The following BANF2 variants were observed in gnomAD, a reference collection of about 807,000 sequenced individuals.
The protein encoded by BANF2 is BANF family member 2, also known as barrier-to-autointegration factor-like protein.
BANF2 carries 4 observed loss-of-function variants against 8.0 expected under a neutral mutation model. The ratio of observed to expected loss-of-function variants is 0.50; its 90% CI spans 0.25 to 1.14. The LOEUF (loss-of-function observed/expected upper bound fraction) is 1.14. Ranked by LOEUF, BANF2 falls within the 50% of genes most tolerant of loss-of-function variation. The pLI is 0.16. For synonymous variants in BANF2, 50 were observed against 40.6 expected, an observed-to-expected ratio of 1.23 and a Z score of -0.88; for missense variants, 96 against 107.5, an observed-to-expected ratio of 0.89 and a Z score of 0.47.
chr20:17,724,867 GC>G (rs1343635866), intron 2 of BANF2, among the ~76,000 whole-genome samples, 155 bp from the exon 3 acceptor site: 1 of 152,204 alleles, frequency 6.6e-6, no homozygotes, highest in Non-Finnish European at 1.5e-5. Context: ...CAGTGCACCT[GC>G]ATTTAGTAGA....
chr20:17,719,134 T>C (rs960261046), intron 1 of BANF2, among the ~76,000 whole-genome samples: 69 of 152,130 alleles, frequency 4.5e-4, no homozygotes, highest in Non-Finnish European at 1.3e-4. Flanking sequence ...TGTTTCGTTT[T>C]GTTTTTTGAG....
chr20:17,703,527 C>T (rs999784830), intron 1 of BANF2, among the ~76,000 whole-genome samples: 2 of 152,126 alleles, frequency 1.3e-5, no homozygotes, highest in Non-Finnish European at 2.9e-5. Context: ...AGCAAAGATT[C>T]GTATTTCTTC....
At chr20:17,710,783 G>T (rs1369213652) in intron 1 of BANF2, among the ~76,000 whole-genome samples, 1 of 152,186 alleles carries the variant, frequency 6.6e-6, no homozygotes, top group African/African-American at 2.4e-5. Flanking sequence ...ATCCAGAGAG[G>T]GTAGAATAAC....
chr20:17,698,386 A>G (rs1218888931), upstream of BANF2, among the ~76,000 whole-genome samples: 1 of 152,180 alleles, frequency 6.6e-6, no homozygotes, highest in African/African-American at 2.4e-5. Context: ...AGCCTGCAGA[A>G]CTGTGAGCCA....
At chr20:17,734,001 G>A (rs2037939868) in intron 3 of BANF2, among the ~76,000 whole-genome samples, 1 of 152,180 alleles carries the variant, frequency 6.6e-6, no homozygotes, top group Admixed American at 6.5e-5. Context: ...GTTCTTGTTG[G>A]TTCCAGGCTG....
chr20:17,727,349 G>T (rs547812698), intron 3 of BANF2, among the ~76,000 whole-genome samples: 5 of 152,306 alleles, frequency 3.3e-5, no homozygotes, highest in Admixed American at 3.3e-4. Flanking sequence ...TGAGATGAGG[G>T]TCACTCTCTC....
At chr20:17,731,752 C>A in intron 3 of BANF2, among the ~76,000 whole-genome samples, 1 of 69,510 alleles carries the variant, frequency 1.4e-5, no homozygotes, top group Non-Finnish European at 2.5e-5. Flanking sequence ...GAGATCCCGT[C>A]TCTTAGGAAA....
chr20:17,712,208 C>T (rs2037583690), intron 1 of BANF2: 1 of 152,328 alleles, frequency 6.6e-6, no homozygotes, highest in Non-Finnish European at 1.5e-5. Context: ...GACATTTGCC[C>T]ATGGTTGTGA....
intron 1 of BANF2, among the ~76,000 whole-genome samples, chr20:17,693,948 G>A (rs1164547687): frequency 1.3e-5 from 2 of 152,248 alleles, no homozygotes; most frequent in East Asian, 3.8e-4. Flanking sequence ...CAGATCTATG[G>A]CCGACGGGCA....
upstream of BANF2, among the ~76,000 whole-genome samples, chr20:17,696,562 A>G (rs2037347603): frequency 6.6e-6 from 1 of 152,170 alleles, no homozygotes; most frequent in Non-Finnish European, 1.5e-5. Flanking sequence ...ATAATGTCGA[A>G]CATTTTTTCC....
intron 3 of BANF2, among the ~76,000 whole-genome samples, chr20:17,725,992 T>C (rs760693361): frequency 6.6e-6 from 1 of 152,122 alleles, no homozygotes; most frequent in Non-Finnish European, 1.5e-5. Context: ...GATTACCCCA[T>C]TGCTCTGCAC....
At chr20:17,701,064 T>C (rs73101850) in intron 1 of BANF2, among the ~76,000 whole-genome samples, 28,102 of 152,110 alleles carry the variant, frequency 0.18, 3,086 homozygotes, top group African/African-American at 0.3. Flanking sequence ...ATTTTACCCT[T>C]AGGCTTTGCC....
At chr20:17,697,558 T>C (rs2037356484), upstream of BANF2, among the ~76,000 whole-genome samples, 1 of 152,228 alleles carries the variant, frequency 6.6e-6, no homozygotes, top group South Asian at 2.1e-4. Context: ...ACAGACATCA[T>C]TTCTTATTTA....
intron 3 of BANF2, among the ~76,000 whole-genome samples, chr20:17,728,641 A>C (rs955456587): frequency 5.3e-5 from 8 of 151,982 alleles, no homozygotes; most frequent in Non-Finnish European, 1.2e-4. Context: ...TTTGGCATGC[A>C]CTGGTCTCTG....
chr20:17,694,078 G>A (rs1161402077), intron 1 of BANF2, among the ~76,000 whole-genome samples: 1 of 152,220 alleles, frequency 6.6e-6, no homozygotes, highest in Non-Finnish European at 1.5e-5. Flanking sequence ...TGGCCTAATT[G>A]TCAATAAGTA....
intron 1 of BANF2, among the ~76,000 whole-genome samples, chr20:17,694,597 CTCTCTTTTTTTT>C (rs1184864083): frequency 1.0e-3 from 38 of 36,274 alleles, no homozygotes; most frequent in African/African-American, 2.8e-3. Flanking sequence ...TGTTTTTTCT[CTCTCTTTTTTTT>C]TTTTTTTTTT....
chr20:17,729,271 C>T (rs982758918), intron 3 of BANF2, among the ~76,000 whole-genome samples: 14 of 152,178 alleles, frequency 9.2e-5, no homozygotes, highest in South Asian at 4.1e-4. Context: ...ATCCTCGAAC[C>T]ACCCTCCTGC....
At chr20:17,720,230 T>C (rs1385841030) in intron 1 of BANF2, among the ~76,000 whole-genome samples, 1 of 152,262 alleles carries the variant, frequency 6.6e-6, no homozygotes, top group Non-Finnish European at 1.5e-5. Flanking sequence ...ATTTCACTTC[T>C]GGGTATGTAC....
intron 3 of BANF2, among the ~76,000 whole-genome samples, chr20:17,727,587 C>T (rs1568818856): frequency 6.6e-6 from 1 of 151,902 alleles, no homozygotes; most frequent in Non-Finnish European, 1.5e-5. Flanking sequence ...GACCCAGATG[C>T]GGCCCCTCCG....
Sources: gnomAD v4.1 joint callset for allele counts (sites outside exome capture counted in the v4.1 genomes callset) on GRCh38, gnomAD v4.1.1 for gene constraint, MANE v1.5 for transcripts, NCBI Gene and HGNC (gene_info 2026-07-23, HGNC 2026-07-21) for gene names.